The following TMEM132B variants were observed in gnomAD, a reference collection of about 807,000 sequenced individuals.
TMEM132B encodes transmembrane protein 132B.
TMEM132B carries 18 observed loss-of-function variants against 90.8 expected under a neutral mutation model. That is an observed-to-expected ratio of 0.20 (90% CI 0.14 to 0.29). TMEM132B has a LOEUF of 0.29. Among genes scored for constraint, TMEM132B ranks in the 10% least tolerant of loss-of-function variants. TMEM132B has a pLI of 1.00. For synonymous variants in TMEM132B, 504 were observed against 523.3 expected (o/e 0.96, Z 0.50); for missense variants, 1,096 against 1,326.8 (o/e 0.83, Z 2.70).
chr12:125,195,732 G>A (rs2136052758), intron 1 of TMEM132B, among the ~76,000 whole-genome samples: 1 of 152,172 alleles, frequency 6.6e-6, no homozygotes, highest in East Asian at 1.9e-4. Context: ...AGTCAGGAAG[G>A]TGGCATCTGA....
chr12:125,203,633 C>G (rs1215276894), intron 1 of TMEM132B, among the ~76,000 whole-genome samples: 1 of 152,184 alleles, frequency 6.6e-6, no homozygotes. Context: ...AACTCATGAT[C>G]TATTGGCTGC....
intron 2 of TMEM132B, among the ~76,000 whole-genome samples, chr12:125,359,479 A>G (rs1023250358): frequency 1.3e-5 from 2 of 152,190 alleles, no homozygotes; most frequent in African/African-American, 4.8e-5. Flanking sequence ...AGATCATATT[A>G]GTAAAAAAAA....
intron 1 of TMEM132B, among the ~76,000 whole-genome samples, chr12:125,233,966 G>A (rs1273814184): frequency 1.3e-5 from 2 of 152,146 alleles, no homozygotes; most frequent in Non-Finnish European, 2.9e-5. Context: ...TAGGGGATAG[G>A]AATTTCTCTT....
At chr12:125,396,479 A>C (rs1420091999) in intron 2 of TMEM132B, among the ~76,000 whole-genome samples, 1 of 152,126 alleles carries the variant, frequency 6.6e-6, no homozygotes, top group African/African-American at 2.4e-5. Context: ...TAATCCCTGC[A>C]GTGACACTGT....
Position 125,349,248 on chromosome 12 carries a change from T to A in TMEM132B, c.68-204T>A, listed in dbSNP as rs908244219. Among the ~76,000 whole-genome samples the A allele has an allele frequency of 4.3e-5, 6 of 140,512 alleles. No individual in the cohort carries two copies. The highest frequency in any genetic ancestry group is 3.2e-5 in the Non-Finnish European group (2 of 62,506). The allele number at this position is 140,512 out of a possible 152,430, so 92.2% of individuals were successfully genotyped here. A position where few individuals can be genotyped will look rare whatever the true frequency, so the allele number is the denominator to read the frequency against. The stretch of plus-strand genomic sequence containing the variant: ...ACTATTGGATCAGTGGTAAATGGGG[T>A]TCCTCCCCACTCTGTGCTGTCTTTT... On this transcript the variant is annotated intron_variant, in intron 1 of 8. Transcript: ENST00000682704. The surrounding 1 kb of genome is among the most constrained non-coding windows in gnomAD (Gnocchi z 4.1).
chr12:125,220,673 A>G (rs117952436), intron 1 of TMEM132B, among the ~76,000 whole-genome samples: 4,069 of 152,228 alleles, frequency 0.027, 74 homozygotes, highest in Non-Finnish European at 0.042. Flanking sequence ...CAGGCAGTCA[A>G]TCAGCAGGTC....
At chr12:125,338,729 T>C (rs1877065243) in intron 1 of TMEM132B, among the ~76,000 whole-genome samples, 1 of 152,206 alleles carries the variant, frequency 6.6e-6, no homozygotes, top group Non-Finnish European at 1.5e-5. Flanking sequence ...CAGCACACTT[T>C]TATCCGCTTA....
chr12:125,493,623 C>T (rs1882415224), intron 3 of TMEM132B, among the ~76,000 whole-genome samples: 1 of 152,152 alleles, frequency 6.6e-6, no homozygotes, highest in African/African-American at 2.4e-5. Flanking sequence ...GGTTCTCTTG[C>T]TGCTGGCTTC....
At chr12:125,413,116 A>G (rs1158610145) in intron 2 of TMEM132B, among the ~76,000 whole-genome samples, 1 of 152,100 alleles carries the variant, frequency 6.6e-6, no homozygotes, top group East Asian at 1.9e-4. Context: ...TGAATCTCCT[A>G]ATTCTACCCT....
chr12:125,476,243 G>A (rs7310566), intron 3 of TMEM132B, among the ~76,000 whole-genome samples: 3,698 of 152,190 alleles, frequency 0.024, 157 homozygotes, highest in African/African-American at 0.084. Flanking sequence ...TTGCAGTGTC[G>A]TCCCTCCACC....
At position 125,392,052 on chromosome 12, in the gene TMEM132B, C is replaced by T. The variant is rs893574615; in HGVS notation, c.960-23479C>T. On this transcript the variant is annotated intron_variant, in intron 2 of 8. Coordinates refer to ENST00000682704, the MANE Select transcript of TMEM132B (RefSeq NM_001366854.1). The stretch of plus-strand genomic sequence containing the variant: ...AAAGTGCGGGGATTACAGGCATCAG[C>T]CACTGTGCCCGGCCTTAGTTTTATT... Among the ~76,000 whole-genome samples the T allele has an allele frequency of 5.3e-5, 8 of 152,216 alleles. 1 individual carries two copies. The highest frequency in any genetic ancestry group is 1.9e-4 in the African/African-American group (8 of 41,454).
intron 1 of TMEM132B, among the ~76,000 whole-genome samples, chr12:125,264,200 T>TCCTCTG (rs934814346): frequency 2.6e-5 from 4 of 152,190 alleles, no homozygotes; most frequent in African/African-American, 7.2e-5. Context: ...TCACATCGCT[T>TCCTCTG]CCTCTGCCTC....
intron 1 of TMEM132B, among the ~76,000 whole-genome samples, chr12:125,275,918 TG>T (rs1168527023): frequency 3.3e-5 from 5 of 152,212 alleles, no homozygotes; most frequent in Admixed American, 3.3e-4. Flanking sequence ...CTCCCTATGT[TG>T]TGCAGTCTGG....
intron 2 of TMEM132B, among the ~76,000 whole-genome samples, chr12:125,373,623 CA>C (rs565397458): frequency 2.0e-3 from 301 of 152,202 alleles, no homozygotes; most frequent in Middle Eastern, 6.8e-3. Context: ...GCTTCCGTTA[CA>C]AAGTACCATT....
chr12:125,519,828 G>C (rs1247697953), intron 4 of TMEM132B, among the ~76,000 whole-genome samples: 1 of 152,126 alleles, frequency 6.6e-6, no homozygotes, highest in Non-Finnish European at 1.5e-5. Context: ...CTTTTCATTT[G>C]TGGATATTGC....
chr12:125,230,026 A>T (rs776870300), intron 1 of TMEM132B, among the ~76,000 whole-genome samples: 7 of 152,188 alleles, frequency 4.6e-5, no homozygotes, highest in Non-Finnish European at 1.0e-4. Flanking sequence ...AATCTCCCTG[A>T]AGGACAAGGG....
At chr12:125,577,368 A>T (rs1488414192) in intron 4 of TMEM132B, among the ~76,000 whole-genome samples, 1 of 151,346 alleles carries the variant, frequency 6.6e-6, no homozygotes, top group African/African-American at 2.4e-5. Context: ...GCACTGCTCC[A>T]CTCATCAGTC....
At chr12:125,556,786 G>A (rs910902730) in intron 4 of TMEM132B, among the ~76,000 whole-genome samples, 26 of 152,096 alleles carry the variant, frequency 1.7e-4, no homozygotes, top group Admixed American at 1.2e-3. Flanking sequence ...ACACAGTCTC[G>A]CTCTGTCACC....
chr12:125,439,048 T>A (rs1160153946), intron 3 of TMEM132B, among the ~76,000 whole-genome samples: 1 of 152,246 alleles, frequency 6.6e-6, no homozygotes, highest in Non-Finnish European at 1.5e-5. Context: ...AATAATTGTT[T>A]TGGTTACCGT....
Sources: gnomAD v4.1 joint callset for allele counts (sites outside exome capture counted in the v4.1 genomes callset) on GRCh38, gnomAD v4.1.1 for gene constraint, Gnocchi (gnomAD v3.1) non-coding constraint, MANE v1.5 for transcripts, NCBI Gene and HGNC (gene_info 2026-07-23, HGNC 2026-07-21) for gene names.